The following MED6 variants were observed in gnomAD, a reference collection of about 807,000 sequenced individuals.
MED6 encodes the protein mediator complex subunit 6, also known as mediator of RNA polymerase II transcription subunit 6.
MED6 carries 33 observed loss-of-function variants against 37.5 expected under a neutral mutation model. The ratio of observed to expected loss-of-function variants is 0.88; its 90% CI spans 0.67 to 1.18. The LOEUF (loss-of-function observed/expected upper bound fraction) is 1.18. Among genes scored for constraint, MED6 ranks in the 50% most tolerant of loss-of-function variants. The pLI is 0.00. For synonymous variants in MED6, 94 were observed against 93.6 expected (o/e 1.00, Z -0.02); for missense variants, 235 against 290.6 (o/e 0.81, Z 1.39).
At chr14:70,593,983 C>T (rs1187474078) in intron 3 of MED6, among the ~76,000 whole-genome samples, 4 of 152,140 alleles carry the variant, frequency 2.6e-5, no homozygotes, top group African/African-American at 9.7e-5. Context: ...CTTGTCTTGT[C>T]GCTGGTTTGC....
At chr14:70,593,236 G>A (rs1884937685) in intron 4 of MED6, 60 bp downstream of exon 4, 2 of 1,423,334 alleles carry the variant, frequency 1.4e-6, no homozygotes, top group Non-Finnish European at 2.0e-6. Context: ...TTTGATTACT[G>A]GAAGCAAGGT....
In MED6 at chr14:70,584,717, A is replaced by C; in HGVS notation, c.*96T>G. On this transcript the variant is annotated 3_prime_UTR_variant, in exon 8 of 8. Transcript: ENST00000256379. The stretch of plus-strand genomic sequence containing the variant: ...AATAAGCGCATTCCATACAAATAAG[A>C]AGGTTACAATAAAGTACTTCAAAGC... 7.0e-7 allele frequency: 1 copy of C among 1,422,214 alleles called. No individual in the cohort carries two copies. Among genetic ancestry groups the C allele is most frequent in the Admixed American group, 2.3e-5 (1 of 43,142 alleles). The allele number at this position is 1,422,214 out of a possible 1,614,324, so 88.1% of individuals were successfully genotyped here. A position where few individuals can be genotyped will look rare whatever the true frequency, so the allele number is the denominator to read the frequency against.
rs1211494935 is a variant in MED6 at position 70,584,753 on chromosome 14, C to T, written c.*60G>A. 5 of 1,554,396 alleles carry T rather than the reference C, an allele frequency of 3.2e-6. No individual in the cohort carries two copies. Among genetic ancestry groups the T allele is most frequent in the Non-Finnish European group, 4.3e-6 (5 of 1,153,494 alleles). ...AAAGTACTTCAAAGCTCAAGAGCCACAGTACTGAGGTATGATAACTAGCAT... is the reference window on the plus strand; with the variant it reads ...AAAGTACTTCAAAGCTCAAGAGCCATAGTACTGAGGTATGATAACTAGCAT... On this transcript the variant is annotated 3_prime_UTR_variant, in exon 8 of 8. Transcript: ENST00000256379.
intron 6 of MED6, among the ~76,000 whole-genome samples, chr14:70,587,594 T>C (rs1176095646): frequency 6.6e-6 from 1 of 152,216 alleles, no homozygotes; most frequent in Non-Finnish European, 1.5e-5. Flanking sequence ...CACTGAACTA[T>C]ATTTGGACAT....
intron 6 of MED6, among the ~76,000 whole-genome samples, chr14:70,588,618 G>A (rs1884778810): frequency 6.6e-6 from 1 of 151,364 alleles, no homozygotes; most frequent in East Asian, 1.9e-4. Context: ...CCTGGGAGGT[G>A]GAGCTTGCAG....
rs1884615537 is a variant in MED6 at position 70,583,778 on chromosome 14, GA to G, written c.*1034del. On this transcript the variant is annotated 3_prime_UTR_variant, in exon 8 of 8. Coordinates refer to ENST00000256379, the MANE Select transcript of MED6 (RefSeq NM_005466.4). ...CAGATATAATAAAGTAAAATTGTAC[GA>G]AAGGAATGATTAAAGTACAGTTTTA... is the stretch of plus-strand genomic sequence containing the variant. 3 of 247,304 alleles carry G rather than the reference GA, an allele frequency of 1.2e-5. No homozygotes were observed. The highest frequency in any genetic ancestry group is 2.3e-5 in the Non-Finnish European group (3 of 131,202). 15.3% of individuals were successfully genotyped at this position (247,304 alleles called of 1,614,324 possible). A position where few individuals can be genotyped will look rare whatever the true frequency, so the allele number is the denominator to read the frequency against.
intron 6 of MED6, among the ~76,000 whole-genome samples, chr14:70,588,016 T>C (rs915497237): frequency 2.6e-5 from 4 of 152,168 alleles, no homozygotes; most frequent in African/African-American, 7.2e-5. Flanking sequence ...AATTGATTAG[T>C]AGGAATACCT....
intron 3 of MED6, among the ~76,000 whole-genome samples, chr14:70,593,912 C>G (rs1008087501): frequency 6.6e-6 from 1 of 152,166 alleles, no homozygotes; most frequent in African/African-American, 2.4e-5. Flanking sequence ...AAGATAGCTG[C>G]TAGTGAGGCT....
At chr14:70,597,853 T>C (rs1191321043) in intron 1 of MED6, 76 bp from the exon 2 acceptor site, 19 of 1,208,924 alleles carry the variant, frequency 1.6e-5, no homozygotes, top group Non-Finnish European at 2.1e-5. Flanking sequence ...TTATTATACA[T>C]CAAATGTAGT....
intron 4 of MED6, 96 bp from the exon 5 acceptor site, chr14:70,593,084 C>A (rs1028412188): frequency 6.6e-6 from 10 of 1,523,116 alleles, no homozygotes; most frequent in Non-Finnish European, 8.9e-6. Context: ...AAGACAGAAC[C>A]TATTTTTCAG....
chr14:70,595,048 G>A (rs1885001158), intron 3 of MED6: 11 of 559,652 alleles, frequency 2.0e-5, no homozygotes, highest in Non-Finnish European at 3.9e-5. Context: ...TGCTGATAGA[G>A]TCAAGTATGA....
intron 3 of MED6, chr14:70,594,887 G>A (rs1884995307): frequency 3.1e-6 from 2 of 643,086 alleles, no homozygotes; most frequent in African/African-American, 3.6e-5. Flanking sequence ...AGGCTAGAGA[G>A]CAAAATCCAG....
intron 6 of MED6, among the ~76,000 whole-genome samples, chr14:70,589,414 C>T (rs187546140): frequency 6.6e-6 from 1 of 152,298 alleles, no homozygotes; most frequent in East Asian, 1.9e-4. Context: ...CTACACCACT[C>T]CCTTGCAACT....
At position 70,594,291 on chromosome 14, in the gene MED6, T is replaced by C. The variant is rs17176341; in HGVS notation, c.275-913A>G. Among the ~76,000 whole-genome samples, 815 of 152,286 alleles carry C rather than the reference T, an allele frequency of 5.4e-3. 6 individuals carry two copies. Among genetic ancestry groups the C allele is most frequent in the South Asian group, 0.031 (150 of 4,826 alleles). On this transcript the variant is annotated intron_variant, in intron 3 of 7. Coordinates refer to ENST00000256379, the MANE Select transcript of MED6 (RefSeq NM_005466.4). ...TCGCTGGAAAAGGTGTCTAGCTCTT[T>C]GATTCAAAACCAAATCTGGACTCTA...
chr14:70,592,516 C>G, intron 5 of MED6: 1 of 84,812 alleles, frequency 1.2e-5, no homozygotes, highest in African/African-American at 4.9e-5. Context: ...TTTGTAGAGA[C>G]CAGGTTTCAC....
intron 1 of MED6, among the ~76,000 whole-genome samples, chr14:70,598,571 G>A (rs751318872): frequency 9.9e-5 from 15 of 152,052 alleles, no homozygotes; most frequent in East Asian, 1.9e-4. Context: ...GTTTTAGCAC[G>A]GTATGTTAAA....
intron 1 of MED6, among the ~76,000 whole-genome samples, chr14:70,599,328 T>C (rs774010053): frequency 1.3e-5 from 2 of 152,216 alleles, no homozygotes; most frequent in African/African-American, 2.4e-5. Flanking sequence ...ACCATTTAGA[T>C]AGTTCATCAT....
rs756213064 is a variant in MED6, at chr14:70,583,838, C to T, written c.*975G>A. The stretch of plus-strand genomic sequence containing the variant: ...TACATGCAGCAAGCACACTCAGCCC[C>T]CTTGCCATGAGATACCCTGTGCTGC... On this transcript the variant is annotated 3_prime_UTR_variant, in exon 8 of 8. Transcript: ENST00000256379. 1.7e-5 allele frequency: 6 copies of T among 357,630 alleles called. No homozygotes were observed. In the East Asian group the frequency reaches 2.0e-4, roughly 12 times the overall value. 22.2% of individuals were successfully genotyped at this position (357,630 alleles called of 1,614,324 possible). A position where few individuals can be genotyped will look rare whatever the true frequency, so the allele number is the denominator to read the frequency against.
chr14:70,593,614 A>G (rs1231501001), intron 3 of MED6, among the ~76,000 whole-genome samples: 2 of 152,212 alleles, frequency 1.3e-5, no homozygotes, highest in Non-Finnish European at 2.9e-5. Flanking sequence ...AACCCCAAGT[A>G]TTTAGTCACT....
Sources: gnomAD v4.1 joint callset for allele counts (sites outside exome capture counted in the v4.1 genomes callset) on GRCh38, gnomAD v4.1.1 for gene constraint, MANE v1.5 for transcripts, NCBI Gene and HGNC (gene_info 2026-07-23, HGNC 2026-07-21) for gene names.